The following PLEKHM3 variants were observed in gnomAD, a reference collection of about 807,000 sequenced individuals.
PLEKHM3 encodes pleckstrin homology domain containing M3.
In PLEKHM3, 45 loss-of-function variants were observed where a neutral mutation model predicts 81.8. The observed-to-expected ratio is 0.55, with a 90% CI of 0.43 to 0.71. The LOEUF is 0.71. Ranked by LOEUF, PLEKHM3 falls within the 30% of genes least tolerant of loss-of-function variation. The pLI is 0.00. For missense variants in PLEKHM3, 788 were observed against 924.3 expected (o/e 0.85, Z 1.91); for synonymous variants, 352 against 356.4 (o/e 0.99, Z 0.14).
rs1423147472 is a variant in PLEKHM3, at chr2:207,826,286, A to G, written c.*2033T>C. 3 of 152,208 alleles carry G rather than the reference A, an allele frequency of 2.0e-5. No individual in the cohort carries two copies. The highest frequency in any genetic ancestry group is 4.4e-5 in the Non-Finnish European group (3 of 68,046). 9.4% of individuals were successfully genotyped at this position (152,208 alleles called of 1,614,324 possible). The stretch of plus-strand genomic sequence containing the variant: ...TCTTCTCTGAGGCTGGAAAATATAA[A>G]TACTGTATTTTACCAAGAGGAGGAG... On this transcript the variant is annotated 3_prime_UTR_variant, in exon 8 of 8. Transcript: ENST00000427836.
At chr2:208,017,720 A>G (rs548710784) in intron 1 of PLEKHM3, among the ~76,000 whole-genome samples, 3 of 152,272 alleles carry the variant, frequency 2.0e-5, no homozygotes, top group African/African-American at 7.2e-5. Context: ...CTCAAGAAGC[A>G]GTCTGATTCT....
intron 2 of PLEKHM3, among the ~76,000 whole-genome samples, chr2:207,988,707 C>T (rs1691802898): frequency 1.3e-5 from 2 of 152,156 alleles, no homozygotes; most frequent in Admixed American, 1.3e-4. Flanking sequence ...TTGACCTACC[C>T]CCTTATGGCT....
At chr2:207,947,992 G>A (rs1690191536) in intron 3 of PLEKHM3, among the ~76,000 whole-genome samples, 1 of 152,132 alleles carries the variant, frequency 6.6e-6, no homozygotes, top group African/African-American at 2.4e-5. Context: ...ATGAGAAATG[G>A]GAAGAAGATA....
chr2:207,892,081 T>C (rs577695492), intron 6 of PLEKHM3, among the ~76,000 whole-genome samples: 23 of 152,288 alleles, frequency 1.5e-4, no homozygotes, highest in African/African-American at 4.8e-4. Flanking sequence ...TCCTCCTAAC[T>C]GTATTCCTCT....
At chr2:207,835,169 T>TCCTGA (rs1428558040) in intron 7 of PLEKHM3, among the ~76,000 whole-genome samples, 1 of 151,882 alleles carries the variant, frequency 6.6e-6, no homozygotes, top group Non-Finnish European at 1.5e-5. Flanking sequence ...AGTCTCGAAC[T>TCCTGA]CCTGACCTTG....
intron 1 of PLEKHM3, among the ~76,000 whole-genome samples, chr2:208,021,008 T>C (rs1318166766): frequency 4.6e-5 from 7 of 152,264 alleles, no homozygotes; most frequent in Non-Finnish European, 8.8e-5. Context: ...TTGAAACTAG[T>C]AATTAAATTA....
chr2:208,004,330 A>T (rs1339727989), intron 1 of PLEKHM3, among the ~76,000 whole-genome samples: 1 of 151,986 alleles, frequency 6.6e-6, no homozygotes, highest in Non-Finnish European at 1.5e-5. Context: ...TGGGAGGAGG[A>T]TCATTTGAAC....
chr2:207,899,265 C>A (rs1386676494), intron 6 of PLEKHM3, among the ~76,000 whole-genome samples: 1 of 152,192 alleles, frequency 6.6e-6, no homozygotes, highest in African/African-American at 2.4e-5. Context: ...TCCTTCTAGT[C>A]CCTTGAAGAC....
At chr2:207,855,291 G>C (rs1034610057) in intron 7 of PLEKHM3, among the ~76,000 whole-genome samples, 1 of 152,112 alleles carries the variant, frequency 6.6e-6, no homozygotes, top group Non-Finnish European at 1.5e-5. Context: ...GAACAAAGGA[G>C]CCTACTGAGA....
At chr2:207,924,833 G>C (rs1413785527) in intron 5 of PLEKHM3, among the ~76,000 whole-genome samples, 1 of 152,178 alleles carries the variant, frequency 6.6e-6, no homozygotes, top group African/African-American at 2.4e-5. Flanking sequence ...CCGAGGTGTT[G>C]GGTATTCCTA....
Position 207,850,972 on chromosome 2 carries a change from A to G in PLEKHM3, c.2108+10133T>C, listed in dbSNP as rs750296258. ...GATTGAGACCAGCCTGACCAACACG[A>G]TGAAACCCCATCTCTACTAAAAATA... is the stretch of plus-strand genomic sequence containing the variant. On this transcript the variant is annotated intron_variant, in intron 7 of 7. Coordinates refer to ENST00000427836, the MANE Select transcript of PLEKHM3 (RefSeq NM_001080475.3). Among the ~76,000 whole-genome samples, 37 of 151,954 alleles carry G rather than the reference A, an allele frequency of 2.4e-4. 1 individual carries two copies. The highest frequency in any genetic ancestry group is 3.3e-4 in the Admixed American group (5 of 15,276).
intron 5 of PLEKHM3, among the ~76,000 whole-genome samples, chr2:207,919,171 G>A (rs1689100733): frequency 6.6e-6 from 1 of 151,998 alleles, no homozygotes; most frequent in African/African-American, 2.4e-5. Context: ...AAAAAAGGAA[G>A]CAATCTCAGC....
intron 4 of PLEKHM3, among the ~76,000 whole-genome samples, chr2:207,939,505 G>A (rs1041968453): frequency 6.6e-6 from 1 of 152,130 alleles, no homozygotes. Context: ...AGGGACTAAG[G>A]ATCACGAAGG....
chr2:208,016,668 A>ACACACACACAC (rs11436592), intron 1 of PLEKHM3, among the ~76,000 whole-genome samples: 12 of 61,562 alleles, frequency 1.9e-4, no homozygotes, highest in African/African-American at 5.4e-4. Context: ...AAAAAAAAAA[A>ACACACACACAC]ATACACACAC....
intron 2 of PLEKHM3, among the ~76,000 whole-genome samples, chr2:207,997,639 C>T (rs541416522): frequency 6.6e-6 from 1 of 152,288 alleles, no homozygotes; most frequent in African/African-American, 2.4e-5. Context: ...CTCATTAACC[C>T]TTGTTAACTT....
chr2:207,872,320 T>C (rs983344549), intron 6 of PLEKHM3, among the ~76,000 whole-genome samples: 4 of 152,190 alleles, frequency 2.6e-5, no homozygotes, highest in Admixed American at 1.3e-4. Context: ...CAGGTTTAGA[T>C]CCACAGTTTT....
intron 5 of PLEKHM3, among the ~76,000 whole-genome samples, chr2:207,924,710 AAAC>A (rs1191619941): frequency 6.6e-6 from 1 of 151,994 alleles, no homozygotes; most frequent in South Asian, 2.1e-4. Context: ...CAAACAAACA[AAAC>A]AACAACAACA....
At chr2:207,834,828 T>A (rs2105882893) in intron 7 of PLEKHM3, among the ~76,000 whole-genome samples, 1 of 152,372 alleles carries the variant, frequency 6.6e-6, no homozygotes, top group Middle Eastern at 3.4e-3. Flanking sequence ...TGGTATTTTC[T>A]GCTTCTTTAT....
At chr2:207,831,919 C>G (rs1005000797) in intron 7 of PLEKHM3, among the ~76,000 whole-genome samples, 2 of 152,206 alleles carry the variant, frequency 1.3e-5, no homozygotes, top group African/African-American at 4.8e-5. Flanking sequence ...GCCCCCTTTC[C>G]CCTGCTGGGT....
Sources: allele counts gnomAD v4.1 joint callset (sites outside exome capture counted in the v4.1 genomes callset), GRCh38; gene constraint gnomAD v4.1.1; transcripts MANE v1.5; gene names NCBI Gene and HGNC (gene_info 2026-07-23, HGNC 2026-07-21).